LRRC37A2: variants seen among roughly 807,000 people sequenced by gnomAD.
The protein encoded by LRRC37A2 is leucine rich repeat containing 37 member A2.
In LRRC37A2, 9 loss-of-function variants were observed where a neutral mutation model predicts 68.8. The ratio of observed to expected loss-of-function variants is 0.13; its 90% CI spans 0.08 to 0.23. LRRC37A2 has a LOEUF of 0.23. LRRC37A2 is among the 10% of genes least tolerant of loss of function. LRRC37A2 has a pLI of 1.00. For missense variants in LRRC37A2, 168 were observed against 950.4 expected, an observed-to-expected ratio of 0.18 and a Z score of 10.82; for synonymous variants, 63 against 367.6, an observed-to-expected ratio of 0.17 and a Z score of 9.48.
At chr17:46,804,964 C>T in the LRRC37A2 span, among the ~76,000 whole-genome samples, 2 of 144,072 alleles carry the variant, frequency 1.4e-5, no homozygotes, top group Non-Finnish European at 3.0e-5. Flanking sequence ...CTTGGGTCGC[C>T]TTCCATGCTG....
chr17:46,760,350 C>T, the LRRC37A2 span, among the ~76,000 whole-genome samples: 16 of 152,114 alleles, frequency 1.1e-4, no homozygotes, highest in East Asian at 3.1e-3. Flanking sequence ...TGAAAAAGTA[C>T]TGGCCAGGCA....
the LRRC37A2 span, among the ~76,000 whole-genome samples, chr17:46,684,477 A>G: frequency 2.6e-5 from 4 of 152,152 alleles, no homozygotes; most frequent in Non-Finnish European, 4.4e-5. Flanking sequence ...TTGCTGGGTC[A>G]AATGGTATTT....
At chr17:46,710,818 A>C in the LRRC37A2 span, 13 of 659,364 alleles carry the variant, frequency 2.0e-5, no homozygotes, top group Middle Eastern at 4.4e-4. Flanking sequence ...GAGAAATTAT[A>C]CAAGTTGTTT....
the LRRC37A2 span, among the ~76,000 whole-genome samples, chr17:46,951,348 G>A: frequency 6.6e-6 from 1 of 152,104 alleles, no homozygotes; most frequent in Non-Finnish European, 1.5e-5. Context: ...CCATTTCCAT[G>A]ACAACAGCAA....
At chr17:46,784,463 C>T in the LRRC37A2 span, among the ~76,000 whole-genome samples, 14 of 151,120 alleles carry the variant, frequency 9.3e-5, no homozygotes, top group South Asian at 2.9e-3. Flanking sequence ...TGTGGGCACA[C>T]GGTGGGAGGA....
At chr17:46,760,282 C>T in the LRRC37A2 span, among the ~76,000 whole-genome samples, 1 of 151,818 alleles carries the variant, frequency 6.6e-6, no homozygotes, top group East Asian at 1.9e-4. Context: ...CATACGATTA[C>T]AAATGGTCTT....
the LRRC37A2 span, among the ~76,000 whole-genome samples, chr17:46,961,827 A>G: frequency 6.6e-6 from 1 of 152,206 alleles, no homozygotes; most frequent in African/African-American, 2.4e-5. Context: ...TCTAATGCCT[A>G]CTGTATGCAG....
the LRRC37A2 span, among the ~76,000 whole-genome samples, chr17:46,824,562 A>G: frequency 6.6e-6 from 1 of 152,148 alleles, no homozygotes; most frequent in African/African-American, 2.4e-5. Flanking sequence ...TATACATACT[A>G]CATAGCAGAC....
chr17:46,946,092 C>T, the LRRC37A2 span, among the ~76,000 whole-genome samples: 1 of 151,942 alleles, frequency 6.6e-6, no homozygotes, highest in Non-Finnish European at 1.5e-5. Context: ...CCTTAGGCCA[C>T]CTGGGAATCA....
chr17:46,525,354 G>A (rs2667832), intron 6 of LRRC37A2, among the ~76,000 whole-genome samples: 1 of 92,490 alleles, frequency 1.1e-5, no homozygotes, highest in Admixed American at 1.0e-4. Context: ...GCACTTTGCT[G>A]AGGTGGGTGG....
At chr17:47,000,063 T>TA in the LRRC37A2 span, among the ~76,000 whole-genome samples, 29 of 17,700 alleles carry the variant, frequency 1.6e-3, no homozygotes, top group East Asian at 0.022. Flanking sequence ...TAAAATAAAA[T>TA]TAAAATAAAA....
At chr17:46,925,336 C>T in the LRRC37A2 span, among the ~76,000 whole-genome samples, 1 of 152,250 alleles carries the variant, frequency 6.6e-6, no homozygotes, top group Non-Finnish European at 1.5e-5. Context: ...TACCCCGACA[C>T]TCATTAATTC....
chr17:46,973,326 CTTTTT>C, the LRRC37A2 span, among the ~76,000 whole-genome samples: 2 of 151,786 alleles, frequency 1.3e-5, no homozygotes, highest in Non-Finnish European at 2.9e-5. Flanking sequence ...TTTTTCTTTT[CTTTTT>C]TCTTTTTTGC....
At chr17:46,928,047 C>G in the LRRC37A2 span, among the ~76,000 whole-genome samples, 1 of 152,132 alleles carries the variant, frequency 6.6e-6, no homozygotes, top group South Asian at 2.1e-4. Flanking sequence ...CTACCTCAGG[C>G]TGCATTCCTA....
At chr17:46,945,918 G>A in the LRRC37A2 span, among the ~76,000 whole-genome samples, 3 of 152,192 alleles carry the variant, frequency 2.0e-5, no homozygotes, top group Admixed American at 2.0e-4. Flanking sequence ...TGTGCATGGA[G>A]TGGGTATAAA....
At chr17:46,750,454 C>G in the LRRC37A2 span, among the ~76,000 whole-genome samples, 1 of 152,312 alleles carries the variant, frequency 6.6e-6, no homozygotes, top group East Asian at 1.9e-4. Flanking sequence ...ATCTGGAAAT[C>G]TGAAATGCTT....
the LRRC37A2 span, among the ~76,000 whole-genome samples, chr17:46,981,658 C>T: frequency 2.6e-5 from 4 of 152,100 alleles, no homozygotes; most frequent in Non-Finnish European, 5.9e-5. Context: ...ATTATTAGAA[C>T]ATTAAGCATG....
chr17:46,866,781 C>T, the LRRC37A2 span, among the ~76,000 whole-genome samples: 1 of 152,150 alleles, frequency 6.6e-6, no homozygotes, highest in Non-Finnish European at 1.5e-5. Context: ...CTGCCTTGTC[C>T]TGTGCCACCC....
At chr17:46,876,416 C>T in the LRRC37A2 span, 23 of 1,613,696 alleles carry the variant, frequency 1.4e-5, no homozygotes, top group African/African-American at 2.7e-5. Flanking sequence ...GGCCTTGGGC[C>T]GCCTAGAGCT....
Sources: allele counts gnomAD v4.1 joint callset (sites outside exome capture counted in the v4.1 genomes callset), GRCh38; gene constraint gnomAD v4.1.1; transcripts MANE v1.5; gene names NCBI Gene and HGNC (gene_info 2026-07-23, HGNC 2026-07-21).